Variants in KIF6 observed in about 807,000 individuals in gnomAD.
KIF6 encodes the protein kinesin-like protein KIF6.
Under a neutral mutation model 112.7 loss-of-function variants are expected in KIF6, and 106 were observed. That is an observed-to-expected ratio of 0.94 (90% CI 0.80 to 1.11). The LOEUF is 1.11. Among genes scored for constraint, KIF6 ranks in the 50% least tolerant of loss-of-function variants. The pLI is 0.00. For synonymous variants in KIF6, 339 were observed against 339.9 expected (o/e 1.00, Z 0.03); for missense variants, 929 against 964.0 (o/e 0.96, Z 0.48).
chr6:39,602,786 T>C (rs1782649848), intron 6 of KIF6, among the ~76,000 whole-genome samples: 1 of 152,156 alleles, frequency 6.6e-6, no homozygotes, highest in South Asian at 2.1e-4. Flanking sequence ...TCTCTACATC[T>C]TCAATTGCCT....
chr6:39,606,919 T>C (rs548746237), intron 6 of KIF6, among the ~76,000 whole-genome samples: 1 of 152,300 alleles, frequency 6.6e-6, no homozygotes, highest in East Asian at 1.9e-4. Flanking sequence ...CTGCCTGAGG[T>C]TGGAGGACAT....
At chr6:39,348,583 G>T (rs946371798) in intron 19 of KIF6, among the ~76,000 whole-genome samples, 1 of 152,148 alleles carries the variant, frequency 6.6e-6, no homozygotes, top group Non-Finnish European at 1.5e-5. Context: ...CTTTGACACC[G>T]AATTAATTTC....
At chr6:39,670,424 C>T (rs1479580980) in intron 3 of KIF6, among the ~76,000 whole-genome samples, 1 of 152,020 alleles carries the variant, frequency 6.6e-6, no homozygotes, top group Non-Finnish European at 1.5e-5. Flanking sequence ...AATTTTGTAC[C>T]ATATTCTTAC....
intron 22 of KIF6, among the ~76,000 whole-genome samples, 175 bp from the exon 23 acceptor site, chr6:39,336,723 C>A (rs553200356): frequency 6.6e-6 from 1 of 152,262 alleles, no homozygotes; most frequent in East Asian, 1.9e-4. Context: ...AGGAAGAGGC[C>A]CCCTTTGCCC....
chr6:39,709,802 T>G (rs1789433100), intron 3 of KIF6, among the ~76,000 whole-genome samples: 1 of 152,196 alleles, frequency 6.6e-6, no homozygotes, highest in Non-Finnish European at 1.5e-5. Flanking sequence ...TCTTGAAGGC[T>G]AATCTTCACT....
chr6:39,427,548 T>C (rs1474625050), intron 14 of KIF6, among the ~76,000 whole-genome samples: 3 of 152,188 alleles, frequency 2.0e-5, no homozygotes, highest in African/African-American at 4.8e-5. Context: ...CCTTTAATGG[T>C]TAGTATTACA....
chr6:39,421,606 T>G (rs1581816228), intron 14 of KIF6, among the ~76,000 whole-genome samples: 1 of 152,166 alleles, frequency 6.6e-6, no homozygotes, highest in East Asian at 1.9e-4. Flanking sequence ...ATTATGTCAT[T>G]GCTATTTTCC....
chr6:39,337,158 T>TCCTTCCTTCCTTTCTTC lies in KIF6; in HGVS notation c.2429-611_2429-610insGAAGAAAGGAAGGAAGG, dbSNP rs1491446959. Among the ~76,000 whole-genome samples, 3 of 71,216 alleles carry TCCTTCCTTCCTTTCTTC rather than the reference T, an allele frequency of 4.2e-5. 1 individual carries two copies. The highest frequency in any genetic ancestry group is 3.7e-4 in the South Asian group (1 of 2,672). The allele number at this position is 71,216 out of a possible 152,430, so 46.7% of individuals were successfully genotyped here. On this transcript the variant is annotated intron_variant, in intron 22 of 22. Transcript: ENST00000287152. ...TTCCTTCCTTCCTTTCTCTTTCTTTTCTTTCTTTCCTTCCTTCTTTCTTTC... is the reference window on the plus strand; with the variant it reads ...TTCCTTCCTTCCTTTCTCTTTCTTTTCCTTCCTTCCTTTCTTCCTTTCTTTCCTTCCTTCTTTCTTTC...
At chr6:39,652,456 G>A (rs868805237) in intron 3 of KIF6, among the ~76,000 whole-genome samples, 1 of 151,864 alleles carries the variant, frequency 6.6e-6, no homozygotes, top group South Asian at 2.1e-4. Flanking sequence ...GAACCTGGGA[G>A]GTGGAGGTTG....
Position 39,336,417 on chromosome 6 carries a change from A to C in KIF6, c.*115T>G. 5 of 951,652 alleles carry C rather than the reference A, an allele frequency of 5.3e-6. No individual in the cohort carries two copies. The highest frequency in any genetic ancestry group is 6.7e-6 in the Non-Finnish European group (4 of 593,102). 59.0% of individuals were successfully genotyped at this position (951,652 alleles called of 1,614,324 possible). A position where few individuals can be genotyped will look rare whatever the true frequency, so the allele number is the denominator to read the frequency against. ...CCCCTCCATGGGAATCAAAGTCACT[A>C]GTTGCTCCCAGCAGCCCATAGTTCA... is the stretch of plus-strand genomic sequence containing the variant. On this transcript the variant is annotated 3_prime_UTR_variant, in exon 23 of 23. Transcript: ENST00000287152.
chr6:39,469,506 CTA>C (rs1773994065), intron 13 of KIF6, among the ~76,000 whole-genome samples: 1 of 151,808 alleles, frequency 6.6e-6, no homozygotes, highest in Non-Finnish European at 1.5e-5. Flanking sequence ...GCTAAACAGG[CTA>C]TGTTATTAGA....
intron 15 of KIF6, 152 bp from the exon 16 acceptor site, chr6:39,385,824 T>C (rs1236367878): frequency 4.6e-6 from 3 of 650,950 alleles, no homozygotes. Context: ...TGACCTTCCA[T>C]GATTCCTAGA....
Position 39,708,930 on chromosome 6 carries a change from G to A in KIF6, c.251+5762C>T, listed in dbSNP as rs535188798. 3.0e-3 allele frequency among the ~76,000 whole-genome samples: 452 copies of A among 150,826 alleles called. 3 individuals carry two copies. Among genetic ancestry groups the A allele is most frequent in the African/African-American group, 0.01 (412 of 41,196 alleles). On this transcript the variant is annotated intron_variant, in intron 3 of 22. Transcript: ENST00000287152. ...AACAAATAAAACAAGACGCTCTTTT[G>A]TATACTGCAATACCATAGACATTTG...
At chr6:39,660,478 T>C (rs1248747333) in intron 3 of KIF6, among the ~76,000 whole-genome samples, 2 of 152,198 alleles carry the variant, frequency 1.3e-5, no homozygotes, top group African/African-American at 4.8e-5. Flanking sequence ...CAATGTCCCT[T>C]CGGAGGTTTT....
intron 3 of KIF6, among the ~76,000 whole-genome samples, chr6:39,683,675 C>G (rs1787663338): frequency 1.3e-5 from 2 of 152,030 alleles, no homozygotes; most frequent in African/African-American, 4.8e-5. Flanking sequence ...AGGTTGGGGC[C>G]ATCAGTGTTA....
intron 16 of KIF6, among the ~76,000 whole-genome samples, chr6:39,383,502 T>A (rs1271674309): frequency 6.6e-6 from 1 of 152,202 alleles, no homozygotes; most frequent in Non-Finnish European, 1.5e-5. Context: ...AGTCTTTGTC[T>A]TGTTCCATTG....
intron 13 of KIF6, among the ~76,000 whole-genome samples, chr6:39,478,707 T>C (rs1251559305): frequency 6.6e-6 from 1 of 151,698 alleles, no homozygotes; most frequent in African/African-American, 2.4e-5. Flanking sequence ...TCTATTTTTT[T>C]TTTTTTTTTT....
Position 39,677,507 on chromosome 6 carries a change from TTTTA to T in KIF6, c.251+37181_251+37184del, listed in dbSNP as rs70984138. Among the ~76,000 whole-genome samples the T allele has an allele frequency of 1.6e-3, 233 of 146,156 alleles. 2 individuals carry two copies. The East Asian group carries it at 0.017, about 10-fold the overall frequency. On this transcript the variant is annotated intron_variant, in intron 3 of 22. Transcript: ENST00000287152. ...TAGTTATTAAAAAGACTTCAGACAA[TTTTA>T]TTTATTTATTTATTTATTTATTTAT...
chr6:39,432,742 C>T (rs1007700908), intron 13 of KIF6, among the ~76,000 whole-genome samples: 4 of 152,322 alleles, frequency 2.6e-5, no homozygotes, highest in East Asian at 1.9e-4. Flanking sequence ...TAGGAGCCAG[C>T]GGATTCATTC....
Sources: allele counts gnomAD v4.1 joint callset (sites outside exome capture counted in the v4.1 genomes callset), GRCh38; gene constraint gnomAD v4.1.1; transcripts MANE v1.5; gene names NCBI Gene and HGNC (gene_info 2026-07-23, HGNC 2026-07-21).